The following HIP1 variants were observed in gnomAD, a reference collection of about 807,000 sequenced individuals.
HIP1 encodes huntingtin-interacting protein 1.
Under a neutral mutation model 147.6 loss-of-function variants are expected in HIP1, and 65 were observed. The ratio of observed to expected loss-of-function variants is 0.44; its 90% CI spans 0.36 to 0.54. HIP1 has a LOEUF of 0.54. Among genes scored for constraint, HIP1 ranks in the 20% least tolerant of loss-of-function variants. The probability of loss-of-function intolerance (pLI) is 0.00; values close to 1 mark genes in which losing one functional copy is unlikely to be tolerated. For synonymous variants in HIP1, 479 were observed against 504.0 expected, an observed-to-expected ratio of 0.95 and a Z score of 0.67; for missense variants, 1,061 against 1,299.6, an observed-to-expected ratio of 0.82 and a Z score of 2.82.
rs150817497 is a variant in HIP1, at chr7:75,724,970, T to C, written c.120+13831A>G. ...GACCTCAAAGGATGCATCAACAGGG[T>C]AAGGGGCAGGTTCTTAGACACTGTC... On this transcript the variant is annotated intron_variant, in intron 1 of 30. Transcript: ENST00000336926. 3.1e-3 allele frequency among the ~76,000 whole-genome samples: 476 copies of C among 152,190 alleles called. 8 individuals carry two copies. The highest frequency in any genetic ancestry group is 6.8e-3 in the Middle Eastern group (2 of 294).
intron 1 of HIP1, among the ~76,000 whole-genome samples, chr7:75,619,881 G>A (rs1306097143): frequency 6.6e-6 from 1 of 152,078 alleles, no homozygotes; most frequent in Admixed American, 6.6e-5. Flanking sequence ...CAGTATAGAT[G>A]GTCACCTATT....
At chr7:75,628,892 T>C (rs1164835100) in intron 1 of HIP1, among the ~76,000 whole-genome samples, 1 of 152,160 alleles carries the variant, frequency 6.6e-6, no homozygotes, top group African/African-American at 2.4e-5. Flanking sequence ...GGGACAATCT[T>C]CACATATACA....
intron 1 of HIP1, among the ~76,000 whole-genome samples, chr7:75,618,315 C>T (rs1797736242): frequency 6.6e-6 from 1 of 152,150 alleles, no homozygotes; most frequent in African/African-American, 2.4e-5. Flanking sequence ...CCAACTCTGG[C>T]TAATTTTATA....
intron 1 of HIP1, among the ~76,000 whole-genome samples, chr7:75,690,761 C>G (rs1250351891): frequency 6.6e-6 from 1 of 151,988 alleles, no homozygotes; most frequent in Non-Finnish European, 1.5e-5. Flanking sequence ...ACTCGGAAGG[C>G]TGAGGCAGGA....
intron 14 of HIP1, among the ~76,000 whole-genome samples, chr7:75,559,275 C>T (rs782080940): frequency 3.3e-5 from 5 of 152,054 alleles, no homozygotes; most frequent in East Asian, 1.9e-4. Context: ...CCACCATGCC[C>T]GGCTAGTCTT....
chr7:75,683,140 C>A (rs188692104), intron 1 of HIP1, among the ~76,000 whole-genome samples: 57 of 152,112 alleles, frequency 3.7e-4, no homozygotes, highest in African/African-American at 1.3e-3. Context: ...CGCTACCATG[C>A]CCAGCTAATT....
At chr7:75,642,490 G>C (rs782588941) in intron 1 of HIP1, among the ~76,000 whole-genome samples, 1 of 152,192 alleles carries the variant, frequency 6.6e-6, no homozygotes, top group East Asian at 1.9e-4. Flanking sequence ...AGCTGAGATC[G>C]CACCACTGCA....
intron 6 of HIP1, 82 bp from the exon 7 acceptor site, chr7:75,581,380 A>G: frequency 1.0e-6 from 1 of 972,754 alleles, no homozygotes; most frequent in Non-Finnish European, 1.6e-6. Context: ...GCTCTACGCT[A>G]CTCCAGTCTC....
At chr7:75,637,605 A>G (rs1798469801) in intron 1 of HIP1, among the ~76,000 whole-genome samples, 1 of 128,482 alleles carries the variant, frequency 7.8e-6, no homozygotes, top group African/African-American at 3.0e-5. Context: ...GCGAGATTTC[A>G]TGGCAGACAG....
intron 8 of HIP1, among the ~76,000 whole-genome samples, chr7:75,570,287 C>T (rs587669073): frequency 6.8e-6 from 1 of 147,928 alleles, no homozygotes; most frequent in South Asian, 2.1e-4. Flanking sequence ...TTAGTTGTGA[C>T]ACGTTTCTTT....
intron 1 of HIP1, among the ~76,000 whole-genome samples, chr7:75,654,185 A>G (rs1222116788): frequency 1.3e-5 from 2 of 152,192 alleles, no homozygotes; most frequent in African/African-American, 4.8e-5. Flanking sequence ...ACCTGAGGTC[A>G]GGAGTTTAAG....
intron 1 of HIP1, among the ~76,000 whole-genome samples, chr7:75,704,696 T>C (rs942335519): frequency 1.1e-4 from 17 of 152,004 alleles, no homozygotes; most frequent in African/African-American, 3.1e-4. Context: ...GATCCTCCCG[T>C]CTCAGTAGCT....
intron 1 of HIP1, among the ~76,000 whole-genome samples, chr7:75,612,346 C>A (rs1323185341): frequency 2.0e-5 from 3 of 152,190 alleles, no homozygotes; most frequent in South Asian, 2.1e-4. Flanking sequence ...CCCATCTCTA[C>A]TAAAAATACA....
At chr7:75,550,559 C>A (rs1794744133) in intron 22 of HIP1, among the ~76,000 whole-genome samples, 1 of 152,074 alleles carries the variant, frequency 6.6e-6, no homozygotes, top group Admixed American at 6.6e-5. Flanking sequence ...ACAACGGGCA[C>A]ACACCACTAG....
At chr7:75,549,470 A>T (rs1794702329) in intron 22 of HIP1, among the ~76,000 whole-genome samples, 2 of 150,458 alleles carry the variant, frequency 1.3e-5, no homozygotes, top group African/African-American at 4.9e-5. Context: ...TCCCGGGCTC[A>T]AGGGATTATC....
intron 9 of HIP1, among the ~76,000 whole-genome samples, chr7:75,565,532 C>T (rs370006219): frequency 1.3e-5 from 2 of 152,186 alleles, no homozygotes; most frequent in African/African-American, 2.4e-5. Context: ...ACTTGTCCTT[C>T]GCTTGCTCCT....
At chr7:75,673,048 G>T (rs1410044276) in intron 1 of HIP1, among the ~76,000 whole-genome samples, 1 of 147,520 alleles carries the variant, frequency 6.8e-6, no homozygotes, top group Non-Finnish European at 1.5e-5. Context: ...TTGAGATGGA[G>T]TCTAGCACTG....
chr7:75,662,958 C>T (rs782332376), intron 1 of HIP1, among the ~76,000 whole-genome samples: 4 of 152,164 alleles, frequency 2.6e-5, no homozygotes, highest in Non-Finnish European at 4.4e-5. Context: ...GTCACCACAC[C>T]GGCGACCCAT....
intron 1 of HIP1, among the ~76,000 whole-genome samples, chr7:75,694,438 T>A (rs1800565036): frequency 6.6e-6 from 1 of 151,972 alleles, no homozygotes; most frequent in South Asian, 2.1e-4. Context: ...TTTTTGCCAC[T>A]CCAAATACTT....
Sources: allele counts gnomAD v4.1 joint callset (sites outside exome capture counted in the v4.1 genomes callset), GRCh38; gene constraint gnomAD v4.1.1; transcripts MANE v1.5; gene names NCBI Gene and HGNC (gene_info 2026-07-23, HGNC 2026-07-21).